Variants in DCDC1 observed in about 807,000 individuals in gnomAD.
DCDC1 encodes the protein doublecortin domain containing 1.
In DCDC1, 200 loss-of-function variants were observed where a neutral mutation model predicts 178.3. The observed-to-expected ratio is 1.12, with a 90% CI of 1.00 to 1.26. DCDC1 has a LOEUF of 1.26. Ranked by LOEUF, DCDC1 falls within the 50% of genes most tolerant of loss-of-function variation. The probability of loss-of-function intolerance (pLI) is 0.00; values close to 1 mark genes in which losing one functional copy is unlikely to be tolerated. For synonymous variants in DCDC1, 690 were observed against 604.8 expected, an observed-to-expected ratio of 1.14 and a Z score of -2.07; for missense variants, 1,983 against 1,749.2, an observed-to-expected ratio of 1.13 and a Z score of -2.38.
intron 3 of DCDC1, among the ~76,000 whole-genome samples, chr11:31,315,634 C>T (rs562723375): frequency 6.8e-6 from 1 of 146,410 alleles, no homozygotes; most frequent in South Asian, 2.2e-4. Flanking sequence ...CCATGCCCGG[C>T]CATCTGCATA....
intron 11 of DCDC1, among the ~76,000 whole-genome samples, chr11:31,112,754 T>A (rs1028177925): frequency 6.6e-5 from 10 of 152,182 alleles, no homozygotes; most frequent in African/African-American, 2.2e-4. Context: ...CCACAGTCTT[T>A]TTACTTTCCT....
At chr11:31,335,885 T>C (rs1950247722) in intron 1 of DCDC1, among the ~76,000 whole-genome samples, 4 of 152,162 alleles carry the variant, frequency 2.6e-5, no homozygotes, top group Non-Finnish European at 2.9e-5. Context: ...ATTAAGATTA[T>C]ATGGCAGGCC....
intron 16 of DCDC1, among the ~76,000 whole-genome samples, 164 bp downstream of exon 16, chr11:31,093,886 G>A (rs543024583): frequency 1.2e-4 from 19 of 152,272 alleles, no homozygotes; most frequent in African/African-American, 4.3e-4. Flanking sequence ...CAGAAGTCCC[G>A]TGGGCTAGGC....
At chr11:31,184,168 C>CA (rs1315929638) in intron 9 of DCDC1, among the ~76,000 whole-genome samples, 1 of 151,880 alleles carries the variant, frequency 6.6e-6, no homozygotes, top group Non-Finnish European at 1.5e-5. Context: ...ACAAGCCTGA[C>CA]AAAAAACAAG....
At chr11:31,066,090 T>A (rs1231655325) in intron 18 of DCDC1, among the ~76,000 whole-genome samples, 1 of 152,208 alleles carries the variant, frequency 6.6e-6, no homozygotes, top group Non-Finnish European at 1.5e-5. Context: ...ATTTCAGTTA[T>A]GTTAATCCGG....
intron 35 of DCDC1, among the ~76,000 whole-genome samples, chr11:30,893,836 TTC>T (rs1943988844): frequency 6.6e-6 from 1 of 152,204 alleles, no homozygotes; most frequent in South Asian, 2.1e-4. Context: ...CTGAAACCAC[TTC>T]TTTAATTCTT....
intron 9 of DCDC1, among the ~76,000 whole-genome samples, chr11:31,162,159 A>G (rs1447408630): frequency 6.6e-6 from 1 of 152,208 alleles, no homozygotes; most frequent in African/African-American, 2.4e-5. Flanking sequence ...AATTTTACAC[A>G]GAGAAAGTAT....
At chr11:31,359,378 G>A (rs1951580873) in intron 1 of DCDC1, among the ~76,000 whole-genome samples, 1 of 139,106 alleles carries the variant, frequency 7.2e-6, no homozygotes, top group South Asian at 2.2e-4. Flanking sequence ...GGTGGGAATT[G>A]AACAATGAGA....
intron 1 of DCDC1, among the ~76,000 whole-genome samples, chr11:31,356,391 G>C (rs1951363898): frequency 6.6e-6 from 1 of 151,984 alleles, no homozygotes; most frequent in Non-Finnish European, 1.5e-5. Context: ...AAACCAACGA[G>C]AACAAAGACA....
intron 18 of DCDC1, among the ~76,000 whole-genome samples, chr11:31,073,088 C>A (rs2135533754): frequency 6.6e-6 from 1 of 152,228 alleles, no homozygotes; most frequent in East Asian, 1.9e-4. Context: ...TTGAATATGA[C>A]TAAATTTAGA....
chr11:30,887,950 C>G (rs1176473282), intron 36 of DCDC1, among the ~76,000 whole-genome samples: 1 of 147,250 alleles, frequency 6.8e-6, no homozygotes, highest in Non-Finnish European at 1.5e-5. Context: ...TTGCAGTGAG[C>G]TGAGATCATG....
intron 3 of DCDC1, among the ~76,000 whole-genome samples, chr11:31,316,339 T>C (rs1344509775): frequency 3.8e-5 from 5 of 130,440 alleles, no homozygotes; most frequent in South Asian, 2.8e-4. Flanking sequence ...TTTGTAATGA[T>C]TGCCATTCTA....
chr11:30,913,656 G>A (rs1366031958), intron 27 of DCDC1, among the ~76,000 whole-genome samples: 1 of 152,154 alleles, frequency 6.6e-6, no homozygotes, highest in African/African-American at 2.4e-5. Flanking sequence ...CTGCAAAGTG[G>A]GAGGAGATGG....
At chr11:31,258,467 A>G (rs1007440245) in intron 8 of DCDC1, among the ~76,000 whole-genome samples, 5 of 152,214 alleles carry the variant, frequency 3.3e-5, no homozygotes, top group African/African-American at 1.2e-4. Flanking sequence ...AATTGTGGCA[A>G]ACAATGCTAA....
chr11:31,003,402 C>T (rs1590723268), intron 20 of DCDC1, among the ~76,000 whole-genome samples: 1 of 152,170 alleles, frequency 6.6e-6, no homozygotes, highest in East Asian at 1.9e-4. Flanking sequence ...GGTTCTCAAC[C>T]TGAGTACCAC....
intron 18 of DCDC1, among the ~76,000 whole-genome samples, chr11:31,075,945 C>T (rs533171436): frequency 1.1e-4 from 17 of 152,270 alleles, no homozygotes; most frequent in South Asian, 4.1e-4. Flanking sequence ...CCACAACCTC[C>T]GCCTCCCGGG....
In DCDC1 at chr11:30,899,596, C is replaced by A; in HGVS notation, c.4710G>T (p.Lys1570Asn). 1 of 1,578,494 alleles carries A rather than the reference C, an allele frequency of 6.3e-7. No individual in the cohort carries two copies. The change falls in exon 34 of 39, where the codon AAG becomes AAT. Residue 1570 changes from lysine (K) to asparagine (N), a missense_variant. Transcript: ENST00000684477. ...EKLEKQNWLK[K>N]DRILADLDTM... ...TATCTAGATCAGCCAAAATTCTGTC[C>A]TTTTTTAGCCAGTTCTGTTTCTCTA...
chr11:30,951,030 GA>G (rs1309404457), intron 21 of DCDC1, among the ~76,000 whole-genome samples: 1 of 151,676 alleles, frequency 6.6e-6, no homozygotes, highest in Non-Finnish European at 1.5e-5. Context: ...AATTTTTAAA[GA>G]AAAAATAAGG....
chr11:31,234,131 C>T (rs1160244837), intron 9 of DCDC1, among the ~76,000 whole-genome samples: 4 of 152,092 alleles, frequency 2.6e-5, no homozygotes, highest in African/African-American at 9.7e-5. Context: ...TAAATGAACT[C>T]TTGCCATATC....
Sources: allele counts gnomAD v4.1 joint callset (sites outside exome capture counted in the v4.1 genomes callset), GRCh38; gene constraint gnomAD v4.1.1; transcripts MANE v1.5; gene names NCBI Gene and HGNC (gene_info 2026-07-23, HGNC 2026-07-21).